Variants in SGCZ observed in about 807,000 individuals in gnomAD.
The protein encoded by SGCZ is zeta-sarcoglycan.
Under a neutral mutation model 41.3 loss-of-function variants are expected in SGCZ, and 40 were observed. The ratio of observed to expected loss-of-function variants is 0.97; its 90% CI spans 0.75 to 1.26. The LOEUF is 1.26. Among genes scored for constraint, SGCZ ranks in the 50% most tolerant of loss-of-function variants. SGCZ has a pLI of 0.00. For synonymous variants in SGCZ, 206 were observed against 137.5 expected (o/e 1.50, Z -3.49); for missense variants, 552 against 369.8 (o/e 1.49, Z -4.04).
chr8:15,112,719 G>A lies in SGCZ; in HGVS notation c.39+124866C>T, dbSNP rs570825654. On this transcript the variant is annotated intron_variant, in intron 1 of 7. Coordinates refer to ENST00000382080, the MANE Select transcript of SGCZ (RefSeq NM_139167.4). Reference sequence around the variant, plus strand: ...AGGTTCCCAGCCCACATCCTCAAGTGAGCTCTCAGCTAACCGCTAGCACCA... The same window carrying A: ...AGGTTCCCAGCCCACATCCTCAAGTAAGCTCTCAGCTAACCGCTAGCACCA... Among the ~76,000 whole-genome samples the A allele has an allele frequency of 7.2e-5, 11 of 152,256 alleles. No individual in the cohort carries two copies. In the South Asian group the frequency reaches 1.5e-3, roughly 20 times the overall value.
intron 1 of SGCZ, among the ~76,000 whole-genome samples, chr8:14,745,215 G>C (rs969748916): frequency 2.6e-5 from 4 of 151,932 alleles, no homozygotes; most frequent in African/African-American, 9.7e-5. Context: ...TACTGTGTGT[G>C]TGTGTGTTGA....
chr8:14,226,265 C>A (rs932320344), intron 4 of SGCZ, among the ~76,000 whole-genome samples: 3 of 152,060 alleles, frequency 2.0e-5, no homozygotes, highest in Non-Finnish European at 2.9e-5. Flanking sequence ...ACTATAGAGT[C>A]AATTTTCGGT....
chr8:14,406,653 A>G (rs1193747856), intron 2 of SGCZ, among the ~76,000 whole-genome samples: 1 of 152,136 alleles, frequency 6.6e-6, no homozygotes, highest in African/African-American at 2.4e-5. Flanking sequence ...GCGCCTCCCC[A>G]TTAGACACAT....
At chr8:14,719,881 G>T (rs1809823085) in intron 1 of SGCZ, among the ~76,000 whole-genome samples, 1 of 151,914 alleles carries the variant, frequency 6.6e-6, no homozygotes, top group African/African-American at 2.4e-5. Context: ...TGTCAATTTT[G>T]GCTTTTGTTG....
rs998105576 is a variant in SGCZ at position 14,687,301 on chromosome 8, G to A, written c.40-132375C>T. Among the ~76,000 whole-genome samples, 278 of 150,332 alleles carry A rather than the reference G, an allele frequency of 1.8e-3. 1 individual carries two copies. Among genetic ancestry groups the A allele is most frequent in the African/African-American group, 6.5e-3 (265 of 40,756 alleles). On this transcript the variant is annotated intron_variant, in intron 1 of 7. Transcript: ENST00000382080. ...GTTGGTGTGCTGCACCCATTAACTC[G>A]TCATTTAGCATTAGGTATATCTCCT...
At position 14,823,073 on chromosome 8, in the gene SGCZ, A is replaced by AAG. The variant is rs199762108; in HGVS notation, c.40-268148_40-268147insCT. On this transcript the variant is annotated intron_variant, in intron 1 of 7. Coordinates refer to ENST00000382080, the MANE Select transcript of SGCZ (RefSeq NM_139167.4). ...ATCCTCATAAAAAAAAAAAAAAAAA[A>AAG]AAAAGACTTCTGTGTAACTTTCGTG... 2.8e-3 allele frequency among the ~76,000 whole-genome samples: 427 copies of AAG among 151,466 alleles called. 15 individuals are homozygous for AAG. The East Asian group carries it at 0.047, about 17-fold the overall frequency.
At chr8:14,633,380 T>C (rs1806721741) in intron 1 of SGCZ, among the ~76,000 whole-genome samples, 1 of 151,940 alleles carries the variant, frequency 6.6e-6, no homozygotes, top group Non-Finnish European at 1.5e-5. Flanking sequence ...TTCCTTTCTC[T>C]AAAATAGACA....
intron 1 of SGCZ, among the ~76,000 whole-genome samples, chr8:15,006,832 C>T (rs1161965346): frequency 1.3e-5 from 2 of 152,142 alleles, no homozygotes; most frequent in Admixed American, 6.6e-5. Context: ...ATACTGGAAA[C>T]CATACTATCA....
chr8:15,037,203 G>C (rs1324527674), intron 1 of SGCZ, among the ~76,000 whole-genome samples: 1 of 152,134 alleles, frequency 6.6e-6, no homozygotes, highest in Non-Finnish European at 1.5e-5. Context: ...GGACCCAGTA[G>C]GAGATAACTG....
chr8:14,136,332 C>A (rs559796222), intron 5 of SGCZ, among the ~76,000 whole-genome samples: 1 of 152,076 alleles, frequency 6.6e-6, no homozygotes, highest in East Asian at 1.9e-4. Context: ...AAGTGTGAGC[C>A]GAAGCAGGGT....
chr8:14,121,956 T>C (rs1563139013), intron 5 of SGCZ, among the ~76,000 whole-genome samples: 1 of 152,180 alleles, frequency 6.6e-6, no homozygotes, highest in East Asian at 1.9e-4. Flanking sequence ...CACAGTTGCT[T>C]AGCATTATGA....
At chr8:15,079,177 G>C (rs1805652565) in intron 1 of SGCZ, among the ~76,000 whole-genome samples, 1 of 151,952 alleles carries the variant, frequency 6.6e-6, no homozygotes, top group African/African-American at 2.4e-5. Context: ...ACCTGTTTTA[G>C]TTTTTCCTCC....
intron 4 of SGCZ, among the ~76,000 whole-genome samples, chr8:14,215,263 C>T (rs1243196653): frequency 6.6e-6 from 1 of 152,036 alleles, no homozygotes; most frequent in Non-Finnish European, 1.5e-5. Context: ...TCTAAACTAT[C>T]TATAGACAAA....
chr8:14,599,569 C>G (rs80056356), intron 1 of SGCZ, among the ~76,000 whole-genome samples: 2 of 152,160 alleles, frequency 1.3e-5, no homozygotes, highest in African/African-American at 4.8e-5. Flanking sequence ...TAATATCTAG[C>G]CCCTTCTTGT....
intron 1 of SGCZ, among the ~76,000 whole-genome samples, chr8:15,016,824 T>C (rs192292739): frequency 6.6e-6 from 1 of 152,308 alleles, no homozygotes; most frequent in African/African-American, 2.4e-5. Flanking sequence ...AGGAAGCTTT[T>C]ACTCATGGTG....
chr8:14,198,931 G>C (rs889872380), intron 4 of SGCZ, among the ~76,000 whole-genome samples: 1 of 151,950 alleles, frequency 6.6e-6, no homozygotes, highest in African/African-American at 2.4e-5. Context: ...TGTCATCTTC[G>C]TAAGCTGAGG....
intron 2 of SGCZ, among the ~76,000 whole-genome samples, chr8:14,331,327 G>A (rs937597192): frequency 6.6e-6 from 1 of 151,978 alleles, no homozygotes; most frequent in Non-Finnish European, 1.5e-5. Flanking sequence ...TCTAATTAAA[G>A]AGGAGGAGGT....
At chr8:15,164,322 C>A (rs1799592446) in intron 1 of SGCZ, among the ~76,000 whole-genome samples, 1 of 151,960 alleles carries the variant, frequency 6.6e-6, no homozygotes, top group Admixed American at 6.6e-5. Context: ...CTTTTTCTTC[C>A]TTTTACAGGA....
At chr8:14,107,227 T>TA (rs1301519861) in intron 6 of SGCZ, among the ~76,000 whole-genome samples, 2 of 131,414 alleles carry the variant, frequency 1.5e-5, no homozygotes, top group African/African-American at 2.8e-5. Context: ...AAAATAAAAA[T>TA]AAAAAAATAA....
Sources: gnomAD v4.1 joint callset for allele counts (sites outside exome capture counted in the v4.1 genomes callset) on GRCh38, gnomAD v4.1.1 for gene constraint, MANE v1.5 for transcripts, NCBI Gene and HGNC (gene_info 2026-07-23, HGNC 2026-07-21) for gene names.